The following GABRR3 variants were observed in gnomAD, a reference collection of about 807,000 sequenced individuals.
GABRR3 encodes the protein gamma-aminobutyric acid type A receptor subunit rho3.
A neutral mutation model predicts 43.2 loss-of-function variants in GABRR3; 29 were observed. That is an observed-to-expected ratio of 0.67 (90% CI 0.50 to 0.92). The LOEUF is 0.92. Ranked by LOEUF, GABRR3 falls within the 40% of genes least tolerant of loss-of-function variation. The pLI is 0.00. For synonymous variants in GABRR3, 206 were observed against 195.9 expected, an observed-to-expected ratio of 1.05 and a Z score of -0.43; for missense variants, 576 against 572.3, an observed-to-expected ratio of 1.01 and a Z score of -0.07.
At chr3:98,017,753 G>A in intron 3 of GABRR3, 31 bp from the exon 4 acceptor site, 1 of 1,425,460 alleles carries the variant, frequency 7.0e-7, no homozygotes, top group African/African-American at 1.4e-5. Flanking sequence ...AATATGCTGA[G>A]GAATGCATTA....
chr3:98,007,587 A>G (rs1240678409), intron 7 of GABRR3, 177 bp downstream of exon 7: 1 of 174,728 alleles, frequency 5.7e-6, no homozygotes, highest in Non-Finnish European at 1.1e-5. Flanking sequence ...TGGCTGCATG[A>G]GTGGGAAAGA....
chr3:97,996,657 T>G (rs1320442907), intron 8 of GABRR3, among the ~76,000 whole-genome samples: 1 of 152,104 alleles, frequency 6.6e-6, no homozygotes, highest in Non-Finnish European at 1.5e-5. Context: ...GAAGTGGAAA[T>G]GAGAGGAGAA....
intron 7 of GABRR3, among the ~76,000 whole-genome samples, chr3:98,006,134 CA>C (rs1327427001): frequency 6.6e-6 from 1 of 151,538 alleles, no homozygotes; most frequent in African/African-American, 2.4e-5. Context: ...GAAGGAGGAG[CA>C]GAAAAATATA....
intron 8 of GABRR3, chr3:97,998,316 T>A (rs767986626): frequency 6.6e-6 from 1 of 152,154 alleles, no homozygotes; most frequent in Admixed American, 6.6e-5. Context: ...GTATTGTGTC[T>A]TTTGAGATTA....
At chr3:98,001,535 C>T (rs1374421847) in intron 8 of GABRR3, 80 bp downstream of exon 8, 1 of 1,460,052 alleles carries the variant, frequency 6.8e-7, no homozygotes, top group Non-Finnish European at 9.5e-7. Context: ...CTCTTTTCCT[C>T]TCCATGTATG....
At chr3:97,993,148 A>C in intron 8 of GABRR3, 100 bp from the exon 9 acceptor site, 2 of 935,146 alleles carry the variant, frequency 2.1e-6, no homozygotes, top group Non-Finnish European at 3.1e-6. Flanking sequence ...AACAATATCA[A>C]CCTGGTGATC....
At chr3:97,987,380 T>C (rs1314741507) in intron 9 of GABRR3, among the ~76,000 whole-genome samples, 1 of 152,240 alleles carries the variant, frequency 6.6e-6, no homozygotes, top group African/African-American at 2.4e-5. Context: ...CAATGCTTTC[T>C]GGCTCCAGTG....
At chr3:98,001,353 A>G (rs1706637731) in intron 8 of GABRR3, 3 of 439,918 alleles carry the variant, frequency 6.8e-6, no homozygotes, top group Non-Finnish European at 1.2e-5. Context: ...ATGCTTCATA[A>G]TTTCACCCCC....
At chr3:97,993,031 T>C (rs369718513) in exon 9 of GABRR3, 1 of 1,608,974 alleles carries the variant, frequency 6.2e-7, no homozygotes, top group Non-Finnish European at 8.5e-7. Context: ...GTGGACATGG[T>C]CAGCACTGTG....
intron 2 of GABRR3, among the ~76,000 whole-genome samples, chr3:98,026,106 G>T (rs1380829866): frequency 6.6e-6 from 1 of 152,126 alleles, no homozygotes; most frequent in East Asian, 1.9e-4. Context: ...GGGGTCACTG[G>T]GGCTGAACAA....
intron 2 of GABRR3, among the ~76,000 whole-genome samples, chr3:98,028,930 A>G (rs940354038): frequency 1.3e-5 from 2 of 152,162 alleles, no homozygotes; most frequent in African/African-American, 4.8e-5. Flanking sequence ...GGATCACTAT[A>G]TCATGGAGCA....
In GABRR3 at chr3:98,017,740, G is replaced by T. The variant is rs1459143313; in HGVS notation, c.239-18C>A. 9 of 1,553,944 alleles carry T rather than the reference G, an allele frequency of 5.8e-6. No individual in the cohort carries two copies. The highest frequency in any genetic ancestry group is 2.3e-5 in the East Asian group (1 of 44,324). ...TGGAGACCCTTAAGAAAGAAGAATG[G>T]TTAATATGCTGAGGAATGCATTATA... On this transcript the variant is annotated intron_variant, in intron 3 of 9. Transcript: ENST00000621172.
downstream of GABRR3, among the ~76,000 whole-genome samples, chr3:97,985,396 A>G (rs961850851): frequency 6.6e-6 from 1 of 152,212 alleles, no homozygotes; most frequent in African/African-American, 2.4e-5. Context: ...ACTCAATACA[A>G]TATCTGGAAG....
chr3:97,985,168 C>T (rs533599462), downstream of GABRR3, among the ~76,000 whole-genome samples: 26 of 152,292 alleles, frequency 1.7e-4, no homozygotes, highest in African/African-American at 6.3e-4. Context: ...CGGAATATTT[C>T]ATATTTCCTG....
intron 2 of GABRR3, among the ~76,000 whole-genome samples, chr3:98,030,520 G>T (rs948592324): frequency 6.6e-6 from 1 of 152,170 alleles, no homozygotes; most frequent in Non-Finnish European, 1.5e-5. Flanking sequence ...CATGAATCAG[G>T]ATTAGACGTG....
chr3:98,030,671 G>C lies in GABRR3; in HGVS notation c.125+4192C>G, dbSNP rs142952371. Among the ~76,000 whole-genome samples the C allele has an allele frequency of 3.9e-3, 590 of 152,158 alleles. 1 individual carries two copies. The highest frequency in any genetic ancestry group is 6.5e-3 in the Non-Finnish European group (445 of 68,012). ...TATAATCCTTTCCAAATAAGAATCT[G>C]GTCAAAACTCTCCACCTTATCACTC... is the stretch of plus-strand genomic sequence containing the variant. On this transcript the variant is annotated intron_variant, in intron 2 of 9. Transcript: ENST00000621172.
chr3:98,003,531 T>C (rs1706682219), intron 7 of GABRR3, among the ~76,000 whole-genome samples: 1 of 151,672 alleles, frequency 6.6e-6, no homozygotes, highest in South Asian at 2.1e-4. Context: ...CTGCAGGTCA[T>C]GGGGAGTCCA....
In GABRR3 at chr3:98,012,577, G is replaced by C. The variant is rs1297948075; in HGVS notation, c.307-10C>G. The stretch of plus-strand genomic sequence containing the variant: ...AAGTCATTGTAAAGTCCTAGACAGA[G>C]AGAAAAAGAGACCAAAAAAACCAGT... On this transcript the variant is annotated splice_polypyrimidine_tract_variant and intron_variant, in intron 4 of 9. Transcript: ENST00000621172. The C allele has an allele frequency of 1.9e-6, 3 of 1,572,888 alleles. No individual in the cohort carries two copies. The East Asian group carries it at 6.9e-5, about 36-fold the overall frequency.
At chr3:98,031,336 A>C (rs1035590725) in intron 2 of GABRR3, among the ~76,000 whole-genome samples, 1 of 152,210 alleles carries the variant, frequency 6.6e-6, no homozygotes, top group Non-Finnish European at 1.5e-5. Context: ...AGACATTTTT[A>C]AAAAATGGTT....
Sources: allele counts gnomAD v4.1 joint callset (sites outside exome capture counted in the v4.1 genomes callset), GRCh38; gene constraint gnomAD v4.1.1; transcripts MANE v1.5; gene names NCBI Gene and HGNC (gene_info 2026-07-23, HGNC 2026-07-21).